ALG6: variants seen among roughly 807,000 people sequenced by gnomAD.
ALG6 encodes ALG6 alpha-1,3-glucosyltransferase, also known as dolichyl pyrophosphate Man9GlcNAc2 alpha-1,3-glucosyltransferase.
In ALG6, 46 loss-of-function variants were observed where a neutral mutation model predicts 66.6. The ratio of observed to expected loss-of-function variants is 0.69; its 90% CI spans 0.55 to 0.88. ALG6 has a LOEUF of 0.88. Among genes scored for constraint, ALG6 ranks in the 40% least tolerant of loss-of-function variants. ALG6 has a pLI of 0.00. For missense variants in ALG6, 505 were observed against 586.8 expected, an observed-to-expected ratio of 0.86 and a Z score of 1.44; for synonymous variants, 185 against 203.7, an observed-to-expected ratio of 0.91 and a Z score of 0.78.
intron 14 of ALG6, chr1:63,429,775 C>G (rs1644635681): frequency 6.6e-6 from 1 of 151,834 alleles, no homozygotes; most frequent in African/African-American, 2.4e-5. Flanking sequence ...GTTAGGGCTT[C>G]AACATATGAA....
chr1:63,382,679 G>GTTTTTTTTTTTTTTTTTTTTTTTTT (rs59573321), intron 2 of ALG6, among the ~76,000 whole-genome samples: 2 of 19,762 alleles, frequency 1.0e-4, no homozygotes, highest in Non-Finnish European at 2.0e-4. Flanking sequence ...TTTTTTTTTT[G>GTTTTTTTTTTTTTTTTTTTTTTTTT]TTTTTTTTTT....
At position 63,420,779 on chromosome 1, in the gene ALG6, T is replaced by C. The variant is rs369854402; in HGVS notation, c.1058+1339T>C. ...GGGAGGCTGAGGCAGGAGAATTGCT[T>C]GAACCCAGGAGGTGGAGGTTGCAGT... On this transcript the variant is annotated intron_variant, in intron 12 of 14. Coordinates refer to ENST00000263440, the MANE Select transcript of ALG6 (RefSeq NM_013339.4). Among the ~76,000 whole-genome samples the C allele has an allele frequency of 7.3e-3, 1,107 of 151,552 alleles. 9 individuals carry two copies. The highest frequency in any genetic ancestry group is 0.024 in the African/African-American group (996 of 41,262).
chr1:63,411,372 A>G, intron 8 of ALG6, 41 bp downstream of exon 8: 1 of 1,585,300 alleles, frequency 6.3e-7, no homozygotes, highest in African/African-American at 1.4e-5. Context: ...AATTTACTTC[A>G]GATAATTTTT....
chr1:63,370,395 A>T (rs1263778476), intron 1 of ALG6, among the ~76,000 whole-genome samples: 1 of 152,230 alleles, frequency 6.6e-6, no homozygotes, highest in Non-Finnish European at 1.5e-5. Flanking sequence ...TTCTCGCTGT[A>T]CCAAAGATAA....
At position 63,396,603 on chromosome 1, in the gene ALG6, AT is replaced by A; in HGVS notation, c.167+7del. The A allele has an allele frequency of 6.2e-7, 1 of 1,608,608 alleles. No individual in the cohort carries two copies. Among genetic ancestry groups the A allele is most frequent in the Non-Finnish European group, 8.5e-7 (1 of 1,175,092 alleles). On this transcript the variant is annotated splice_region_variant and intron_variant, in intron 3 of 14. Transcript: ENST00000263440. The stretch of plus-strand genomic sequence containing the variant: ...AATTTACCGGTCAAACAATGGTATG[AT>A]AATTTTAACTTGTTTTTCTTGTTTA...
intron 12 of ALG6, among the ~76,000 whole-genome samples, chr1:63,420,140 T>C (rs1644566070): frequency 6.6e-6 from 1 of 152,148 alleles, no homozygotes; most frequent in Admixed American, 6.5e-5. Flanking sequence ...AGTATTGCTT[T>C]TATTAGGTGG....
chr1:63,399,159 G>A (rs1409819562), intron 3 of ALG6, among the ~76,000 whole-genome samples: 1 of 152,136 alleles, frequency 6.6e-6, no homozygotes, highest in Non-Finnish European at 1.5e-5. Context: ...AGCCACTCTT[G>A]GCTCCTAGAG....
At chr1:63,419,901 C>T (rs1384465773) in intron 12 of ALG6, among the ~76,000 whole-genome samples, 1 of 152,182 alleles carries the variant, frequency 6.6e-6, no homozygotes, top group Non-Finnish European at 1.5e-5. Flanking sequence ...AACCAGACTA[C>T]TTTGTTTTAG....
intron 10 of ALG6, among the ~76,000 whole-genome samples, chr1:63,415,394 AC>A (rs1644540772): frequency 6.6e-6 from 1 of 151,830 alleles, no homozygotes; most frequent in South Asian, 2.1e-4. Context: ...CTCCCTTTCC[AC>A]CTTGTTCTTT....
Position 63,402,239 on chromosome 1 carries a change from T to G in ALG6, c.168-15T>G. The G allele has an allele frequency of 6.6e-7, 1 of 1,515,672 alleles. No homozygotes were observed. Among genetic ancestry groups the G allele is most frequent in the Non-Finnish European group, 9.2e-7 (1 of 1,091,024 alleles). The allele number at this position is 1,515,672 out of a possible 1,614,324, so 93.9% of individuals were successfully genotyped here. A position where few individuals can be genotyped will look rare whatever the true frequency, so the allele number is the denominator to read the frequency against. ...GATTAACGGAATGGTGCTTTCTTCT[T>G]TTTTTCTTTTTCAGGTATTTTAACA... On this transcript the variant is annotated splice_polypyrimidine_tract_variant and intron_variant, in intron 3 of 14. Coordinates refer to ENST00000263440, the MANE Select transcript of ALG6 (RefSeq NM_013339.4).
intron 9 of ALG6, chr1:63,413,797 T>G: frequency 2.8e-6 from 1 of 359,432 alleles, no homozygotes; most frequent in South Asian, 3.1e-5. Context: ...AGTGCACTGC[T>G]CTTTGAAAAC....
At chr1:63,435,779 C>T (rs1644675465) in intron 14 of ALG6, among the ~76,000 whole-genome samples, 1 of 152,110 alleles carries the variant, frequency 6.6e-6, no homozygotes, top group South Asian at 2.1e-4. Flanking sequence ...ACAGTAAGTA[C>T]ATTTCAAATG....
chr1:63,417,185 G>C (rs946991478), intron 11 of ALG6, among the ~76,000 whole-genome samples: 4 of 152,150 alleles, frequency 2.6e-5, no homozygotes, highest in African/African-American at 7.2e-5. Flanking sequence ...GTAATGCTCT[G>C]ATGTCTTCAC....
rs773699560 is a variant in ALG6, at chr1:63,411,178, G to T, written c.527G>T (p.Trp176Leu). The T allele has an allele frequency of 6.2e-5, 100 of 1,613,676 alleles. No individual in the cohort carries two copies. The East Asian group carries it at 2.0e-3, about 33-fold the overall frequency. ...YNSVSLGFALWGVLGISCDCD... is the reference protein window; with the variant it reads ...YNSVSLGFALLGVLGISCDCD... ...TCTGTGAGTCTTGGCTTTGCTTTGT[G>T]GGGTGTTCTTGGAATATCTTGTGAC... The change falls in exon 8 of 15, where the codon TGG becomes TTG. Residue 176 changes from tryptophan (W) to leucine (L), a missense_variant. Physicochemically the swap from Trp to Leu is moderately conservative, Grantham distance 61 (BLOSUM62 -2). Transcript: ENST00000263440.
intron 12 of ALG6, among the ~76,000 whole-genome samples, chr1:63,424,430 C>T (rs765049058): frequency 1.3e-4 from 20 of 152,014 alleles, no homozygotes; most frequent in African/African-American, 2.7e-4. Context: ...TGAACCACTG[C>T]GCTTGGCCGT....
At chr1:63,435,300 T>TAAG (rs1167905226) in intron 14 of ALG6, among the ~76,000 whole-genome samples, 1 of 152,234 alleles carries the variant, frequency 6.6e-6, no homozygotes, top group African/African-American at 2.4e-5. Context: ...CCATATTTCT[T>TAAG]AAGTTTGAAA....
rs1463552781 is a variant in ALG6 at position 63,387,530 on chromosome 1, CTCTTTTTTT to C, written c.83-8981_83-8973del. On this transcript the variant is annotated intron_variant, in intron 2 of 14. Transcript: ENST00000263440. The stretch of plus-strand genomic sequence containing the variant: ...TTATATAATGACCTTCTTTGTCTTT[CTCTTTTTTT>C]TTTTTTTTTTTTTTTTTTTTGAGAC... Among the ~76,000 whole-genome samples the C allele has an allele frequency of 1.0e-3, 60 of 60,212 alleles. 1 individual carries two copies. Among genetic ancestry groups the C allele is most frequent in the African/African-American group, 4.1e-3 (58 of 14,314 alleles). The allele number at this position is 60,212 out of a possible 152,430, so 39.5% of individuals were successfully genotyped here. A position where few individuals can be genotyped will look rare whatever the true frequency, so the allele number is the denominator to read the frequency against.
intron 14 of ALG6, among the ~76,000 whole-genome samples, chr1:63,436,222 T>C (rs1644677711): frequency 6.6e-6 from 1 of 152,204 alleles, no homozygotes; most frequent in Non-Finnish European, 1.5e-5. Context: ...TTGATTCATT[T>C]ATTCATTCAT....
In ALG6 at chr1:63,370,783, T is replaced by C. The variant is rs1390647269; in HGVS notation, c.-195T>C. ...TTTTTCCCCTTAGGATACTTCTACA[T>C]AGACATAATCAAGTTTTGACTATTT... On this transcript the variant is annotated 5_prime_UTR_variant, in exon 2 of 15. The change abolishes the stop of an existing upstream ORF in the 5' untranslated region. Coordinates refer to ENST00000263440, the MANE Select transcript of ALG6 (RefSeq NM_013339.4). 1 of 617,760 alleles carries C rather than the reference T, an allele frequency of 1.6e-6. No individual in the cohort carries two copies. Among genetic ancestry groups the C allele is most frequent in the Non-Finnish European group, 2.9e-6 (1 of 344,480 alleles). 38.3% of individuals were successfully genotyped at this position (617,760 alleles called of 1,614,324 possible).
Sources: gnomAD v4.1 joint callset for allele counts (sites outside exome capture counted in the v4.1 genomes callset) on GRCh38, gnomAD v4.1.1 for gene constraint, MANE v1.5 for transcripts, NCBI Gene and HGNC (gene_info 2026-07-23, HGNC 2026-07-21) for gene names.